Variants in MTERF4 observed in about 807,000 individuals in gnomAD.
MTERF4 encodes mitochondrial transcription termination factor 4.
MTERF4 carries 17 observed loss-of-function variants against 22.5 expected under a neutral mutation model. The ratio of observed to expected loss-of-function variants is 0.75; its 90% CI spans 0.52 to 1.13. The LOEUF (loss-of-function observed/expected upper bound fraction) is 1.13, where lower values mean the gene tolerates loss of function less well. MTERF4 is among the 50% of genes most tolerant of loss of function. The probability of loss-of-function intolerance (pLI) is 0.00; values close to 1 mark genes in which losing one functional copy is unlikely to be tolerated. For missense variants in MTERF4, 420 were observed against 466.8 expected (o/e 0.90, Z 0.92); for synonymous variants, 165 against 175.3 (o/e 0.94, Z 0.47).
chr2:241,048,951 C>T, the MTERF4 span: 1 of 1,414,904 alleles, frequency 7.1e-7, no homozygotes, highest in Non-Finnish European at 9.8e-7. Context: ...GAGGCCCCAT[C>T]CTTGACAAGG....
At chr2:241,071,662 C>T (rs1449082697), downstream of MTERF4, 1 of 1,564,310 alleles carries the variant, frequency 6.4e-7, no homozygotes, top group Admixed American at 1.8e-5. Flanking sequence ...GGCGCGCCTG[C>T]CGGAGCTGCG....
chr2:241,082,198 C>T (rs1575116641), downstream of MTERF4: 1 of 1,208,306 alleles, frequency 8.3e-7, no homozygotes, highest in Admixed American at 1.9e-5. Context: ...CGGGCCCTCT[C>T]CCTTGGGCAA....
chr2:241,101,778 C>A (rs1305393543), intron 1 of MTERF4, among the ~76,000 whole-genome samples: 1 of 152,228 alleles, frequency 6.6e-6, no homozygotes, highest in East Asian at 1.9e-4. Context: ...TCAGGCCGGG[C>A]GCGGTGGCTC....
downstream of MTERF4, among the ~76,000 whole-genome samples, chr2:241,083,919 T>C (rs2063451390): frequency 6.6e-6 from 1 of 152,162 alleles, no homozygotes; most frequent in South Asian, 2.1e-4. Flanking sequence ...GTTTTCTATT[T>C]TTCCCACCTG....
In MTERF4 at chr2:241,073,448, C is replaced by T; in HGVS notation, n.2714G>A. The T allele has an allele frequency of 8.9e-7, 1 of 1,127,194 alleles. No individual in the cohort carries two copies. The highest frequency in any genetic ancestry group is 1.3e-6 in the Non-Finnish European group (1 of 760,818). The allele number at this position is 1,127,194 out of a possible 1,614,324, so 69.8% of individuals were successfully genotyped here. A position where few individuals can be genotyped will look rare whatever the true frequency, so the allele number is the denominator to read the frequency against. ...GAGGCTGCAGGCAGGAGGGACCACC[C>T]ACGGTGAGGAATCAGGAGGCACAGA... On this transcript the variant is annotated non_coding_transcript_exon_variant, in exon 5 of 5. Transcript: ENST00000464344. The surrounding 1 kb of genome is among the most constrained non-coding windows in gnomAD (Gnocchi z 6.6).
rs552246013 is a variant in MTERF4, at chr2:241,096,655, GGGGT to G, written c.706-221_706-218del. On this transcript the variant is annotated intron_variant, in intron 3 of 3. Coordinates refer to ENST00000391980, the MANE Select transcript of MTERF4 (RefSeq NM_182501.4). The surrounding 1 kb of genome is among the most constrained non-coding windows in gnomAD (Gnocchi z 5.1). ...TGAGAAACATGGAGCAGGAAATAAA[GGGGT>G]GGGAGGGAAAAGGGGCAGGAGGGAG... The G allele has an allele frequency of 1.9e-5, 13 of 698,994 alleles. No individual in the cohort carries two copies. Among genetic ancestry groups the G allele is most frequent in the Non-Finnish European group, 2.7e-5 (10 of 375,562 alleles). 43.3% of individuals were successfully genotyped at this position (698,994 alleles called of 1,614,324 possible). A position where few individuals can be genotyped will look rare whatever the true frequency, so the allele number is the denominator to read the frequency against.
chr2:241,073,290 A>G lies in MTERF4; in HGVS notation n.2872T>C. 5 of 1,565,392 alleles carry G rather than the reference A, an allele frequency of 3.2e-6. No homozygotes were observed. Among genetic ancestry groups the G allele is most frequent in the Non-Finnish European group, 3.5e-6 (4 of 1,156,290 alleles). ...GAACCCACAGCCTCGGCGCAGCTCG[A>G]GAACATGGAGGAAGCCCCCAAGCGG... On this transcript the variant is annotated non_coding_transcript_exon_variant, in exon 5 of 5. Transcript: ENST00000464344. This position sits in a 1 kb window ranked among gnomAD's most constrained non-coding sequence, Gnocchi z 6.6.
chr2:241,063,055 C>CA, the MTERF4 span, among the ~76,000 whole-genome samples: 2 of 152,222 alleles, frequency 1.3e-5, no homozygotes, highest in African/African-American at 2.4e-5. Context: ...ACATCCAAGA[C>CA]AAAGATTTTA....
chr2:241,061,955 C>T, the MTERF4 span, among the ~76,000 whole-genome samples: 1 of 152,060 alleles, frequency 6.6e-6, no homozygotes, highest in East Asian at 1.9e-4. Context: ...TATAACCACA[C>T]TGTGTAATGT....
downstream of MTERF4, among the ~76,000 whole-genome samples, chr2:241,069,730 AG>A (rs1298637506): frequency 6.6e-6 from 1 of 151,838 alleles, no homozygotes; most frequent in Non-Finnish European, 1.5e-5. The surrounding 1 kb of genome is among the most constrained non-coding windows in gnomAD (Gnocchi z 4.9). Context: ...AGGGGCCTGC[AG>A]GTCTCTCGGT....
chr2:241,054,711 A>G, the MTERF4 span, among the ~76,000 whole-genome samples: 3 of 152,280 alleles, frequency 2.0e-5, no homozygotes, highest in Non-Finnish European at 4.4e-5. Flanking sequence ...TAATAGTTGA[A>G]ATAACAGACA....
rs1260318277 is a variant in MTERF4, at chr2:241,075,924, T to C, written n.480-242A>G. Among the ~76,000 whole-genome samples, 1 of 152,226 alleles carries C rather than the reference T, an allele frequency of 6.6e-6. No individual in the cohort carries two copies. The highest frequency in any genetic ancestry group is 2.4e-5 in the African/African-American group (1 of 41,460). ...ATATGGGTAAACTGGATTTTTCATC[T>C]CTTCATGCTAAAAAGTCCCTTTTTC... On this transcript the variant is annotated intron_variant and non_coding_transcript_variant, in intron 4 of 4. Transcript: ENST00000464344. The surrounding 1 kb of genome is among the most constrained non-coding windows in gnomAD (Gnocchi z 4.8).
At chr2:241,089,865 A>G, downstream of MTERF4, 1 of 1,458,682 alleles carries the variant, frequency 6.9e-7, no homozygotes, top group Non-Finnish European at 9.1e-7. Context: ...CGGGCTACAC[A>G]CCACAGCGTG....
At chr2:241,077,160 A>T (rs2063066913) in intron 4 of MTERF4, among the ~76,000 whole-genome samples, 2 of 152,190 alleles carry the variant, frequency 1.3e-5, no homozygotes, top group Non-Finnish European at 2.9e-5. Flanking sequence ...GGCTGAAACC[A>T]TTCAATGTGG....
chr2:241,081,814 A>G (rs760149541), intron 4 of MTERF4: 2 of 1,531,986 alleles, frequency 1.3e-6, no homozygotes, highest in South Asian at 2.4e-5. Flanking sequence ...GCTTGGCCTC[A>G]GGGCGCCCCT....
downstream of MTERF4, among the ~76,000 whole-genome samples, chr2:241,086,351 T>A (rs1186964812): frequency 1.4e-5 from 1 of 70,838 alleles, no homozygotes; most frequent in East Asian, 3.7e-4. Flanking sequence ...CTCTGCATAG[T>A]TCCCTCCTCT....
At chr2:241,059,147 A>G in the MTERF4 span, among the ~76,000 whole-genome samples, 1 of 152,220 alleles carries the variant, frequency 6.6e-6, no homozygotes, top group African/African-American at 2.4e-5. Context: ...GTATCTGACA[A>G]CTTAGGGGAA....
intron 4 of MTERF4, chr2:241,081,797 A>C (rs2063340543): frequency 6.4e-7 from 1 of 1,571,722 alleles, no homozygotes; most frequent in South Asian, 1.2e-5. Flanking sequence ...GAGCTCGGTA[A>C]GTCGGGGCTT....
At chr2:241,081,297 C>A (rs1356767909) in intron 4 of MTERF4, among the ~76,000 whole-genome samples, 1 of 144,294 alleles carries the variant, frequency 6.9e-6, no homozygotes, top group Non-Finnish European at 1.5e-5. Context: ...CAGCAGAAAC[C>A]GTGTTCAGGG....
Sources: allele counts gnomAD v4.1 joint callset (sites outside exome capture counted in the v4.1 genomes callset), GRCh38; gene constraint gnomAD v4.1.1; non-coding constraint Gnocchi (gnomAD v3.1); transcripts MANE v1.5; gene names NCBI Gene and HGNC (gene_info 2026-07-23, HGNC 2026-07-21).